The following MAD1L1 variants were observed in gnomAD, a reference collection of about 807,000 sequenced individuals.
The protein encoded by MAD1L1 is mitotic spindle assembly checkpoint protein MAD1.
In MAD1L1, 95 loss-of-function variants were observed where a neutral mutation model predicts 96.9. The observed-to-expected ratio is 0.98, with a 90% CI of 0.83 to 1.16. The LOEUF (loss-of-function observed/expected upper bound fraction) is 1.16. Ranked by LOEUF, MAD1L1 falls within the 50% of genes most tolerant of loss-of-function variation. MAD1L1 has a pLI of 0.00. For synonymous variants in MAD1L1, 473 were observed against 396.6 expected, an observed-to-expected ratio of 1.19 and a Z score of -2.29; for missense variants, 1,007 against 954.4, an observed-to-expected ratio of 1.06 and a Z score of -0.73.
intron 15 of MAD1L1, among the ~76,000 whole-genome samples, chr7:1,971,968 A>G (rs925490105): frequency 6.6e-5 from 10 of 152,352 alleles, no homozygotes; most frequent in African/African-American, 2.4e-4. Context: ...AATTTGTGGG[A>G]AACGTACAAG....
chr7:2,072,823 T>C (rs1287980152), intron 11 of MAD1L1, among the ~76,000 whole-genome samples: 1 of 152,168 alleles, frequency 6.6e-6, no homozygotes, highest in Non-Finnish European at 1.5e-5. Context: ...CTGGGCAGCC[T>C]TGAAGGGGGC....
intron 17 of MAD1L1, among the ~76,000 whole-genome samples, chr7:1,900,947 C>A (rs975168772): frequency 6.6e-6 from 1 of 152,094 alleles, no homozygotes; most frequent in African/African-American, 2.4e-5. Flanking sequence ...AGAGGCGAGA[C>A]CACCACCCAT....
chr7:2,018,078 G>A (rs146915196), intron 12 of MAD1L1, among the ~76,000 whole-genome samples: 165 of 152,200 alleles, frequency 1.1e-3, no homozygotes, highest in African/African-American at 3.2e-3. Context: ...CGGAGGCACC[G>A]CAGTGGGCAG....
At chr7:2,225,191 C>T (rs1240812353) in intron 4 of MAD1L1, among the ~76,000 whole-genome samples, 1 of 149,654 alleles carries the variant, frequency 6.7e-6, no homozygotes, top group Non-Finnish European at 1.5e-5. Context: ...AGGCTTCCAG[C>T]CAGCTGGGTT....
intron 10 of MAD1L1, among the ~76,000 whole-genome samples, chr7:2,155,976 A>G (rs1789814173): frequency 6.6e-6 from 1 of 152,262 alleles, no homozygotes; most frequent in Admixed American, 6.5e-5. Flanking sequence ...CCTCATAGCC[A>G]TAACATTGAG....
chr7:1,860,914 C>A (rs746209852), intron 18 of MAD1L1, among the ~76,000 whole-genome samples: 1 of 152,204 alleles, frequency 6.6e-6, no homozygotes, highest in African/African-American at 2.4e-5. Flanking sequence ...GCAGACAGGC[C>A]GGCCGTCAAA....
intron 18 of MAD1L1, among the ~76,000 whole-genome samples, chr7:1,880,644 G>A (rs1194222136): frequency 2.6e-5 from 4 of 152,194 alleles, no homozygotes; most frequent in Non-Finnish European, 5.9e-5. Flanking sequence ...CCAAACCCCA[G>A]AAGGATGCTC....
chr7:1,832,849 C>G (rs1483535992), intron 18 of MAD1L1, among the ~76,000 whole-genome samples: 2 of 152,096 alleles, frequency 1.3e-5, no homozygotes, highest in African/African-American at 4.8e-5. Context: ...CCAGGCTGGT[C>G]TCGAACTACT....
intron 12 of MAD1L1, among the ~76,000 whole-genome samples, chr7:2,050,095 G>A (rs879089685): frequency 1.9e-5 from 2 of 103,132 alleles, no homozygotes; most frequent in African/African-American, 3.7e-5. Context: ...CTCACCCAGC[G>A]TCTGCGGGCA....
At position 2,106,368 on chromosome 7, in the gene MAD1L1, G is replaced by A. The variant is rs192077416; in HGVS notation, c.1074-37030C>T. ...CCCACCCTGCCCTTCCTTCTCTATC[G>A]GATATACATGCCCATCCCTGGAGAC... On this transcript the variant is annotated intron_variant, in intron 11 of 18. Transcript: ENST00000265854. Among the ~76,000 whole-genome samples, 179 of 146,364 alleles carry A rather than the reference G, an allele frequency of 1.2e-3. 3 individuals carry two copies. The highest frequency in any genetic ancestry group is 2.6e-3 in the African/African-American group (100 of 38,958).
intron 14 of MAD1L1, among the ~76,000 whole-genome samples, chr7:1,989,797 TG>T (rs1370457664): frequency 1.3e-5 from 2 of 152,196 alleles, no homozygotes; most frequent in Non-Finnish European, 2.9e-5. Context: ...GTAGGCCGGC[TG>T]GCCCCATGTT....
intron 18 of MAD1L1, among the ~76,000 whole-genome samples, chr7:1,880,535 G>A (rs35487994): frequency 0.3 from 45,937 of 152,106 alleles, 8,267 homozygotes; most frequent in East Asian, 0.46. Flanking sequence ...GCCTTTCCCC[G>A]CTCACTACAA....
intron 16 of MAD1L1, among the ~76,000 whole-genome samples, chr7:1,944,916 G>A (rs1007902606): frequency 5.3e-5 from 8 of 152,216 alleles, no homozygotes; most frequent in East Asian, 1.9e-4. Flanking sequence ...GCAGGGGACC[G>A]GCTGGCCTGG....
At chr7:1,899,682 T>G (rs1194764894) in intron 17 of MAD1L1, among the ~76,000 whole-genome samples, 1 of 152,140 alleles carries the variant, frequency 6.6e-6, no homozygotes, top group African/African-American at 2.4e-5. Flanking sequence ...TCCCCCACAG[T>G]CCACTCTAGG....
intron 18 of MAD1L1, among the ~76,000 whole-genome samples, chr7:1,826,286 G>A (rs1782389515): frequency 6.6e-6 from 1 of 152,064 alleles, no homozygotes; most frequent in African/African-American, 2.4e-5. Flanking sequence ...TGGCCCGTCC[G>A]CGCTCTGAGG....
intron 18 of MAD1L1, among the ~76,000 whole-genome samples, chr7:1,850,610 AGAAG>A (rs1783917095): frequency 6.6e-6 from 1 of 152,114 alleles, no homozygotes; most frequent in African/African-American, 2.4e-5. Flanking sequence ...CCTGGGCCGG[AGAAG>A]GCACGGGGCT....
chr7:2,202,966 G>A (rs1355401326), intron 10 of MAD1L1, among the ~76,000 whole-genome samples: 2 of 152,188 alleles, frequency 1.3e-5, no homozygotes, highest in African/African-American at 4.8e-5. Context: ...TTTGACTACA[G>A]GGGATGGGTC....
intron 11 of MAD1L1, among the ~76,000 whole-genome samples, chr7:2,137,600 T>C (rs1788816596): frequency 6.6e-6 from 1 of 152,138 alleles, no homozygotes; most frequent in Non-Finnish European, 1.5e-5. Flanking sequence ...TTCTGTGACT[T>C]GCACGTGCCA....
chr7:2,038,498 C>CTT lies in MAD1L1; in HGVS notation c.1219-23858_1219-23857dup, dbSNP rs60466584. Reference sequence around the variant, plus strand: ...TGTTAGGAGATAATGAAGCTGATGACTTTTTTTTTTTTTTTTTTTTTTTTT... The same window carrying CTT: ...TGTTAGGAGATAATGAAGCTGATGACTTTTTTTTTTTTTTTTTTTTTTTTTTT... On this transcript the variant is annotated intron_variant, in intron 12 of 18. Transcript: ENST00000265854. 6.4e-4 allele frequency among the ~76,000 whole-genome samples: 59 copies of CTT among 92,852 alleles called. 1 individual carries two copies. The South Asian group carries it at 8.5e-3, about 13-fold the overall frequency. 60.9% of individuals were successfully genotyped at this position (92,852 alleles called of 152,430 possible). A position where few individuals can be genotyped will look rare whatever the true frequency, so the allele number is the denominator to read the frequency against.
Sources: allele counts gnomAD v4.1 joint callset (sites outside exome capture counted in the v4.1 genomes callset), GRCh38; gene constraint gnomAD v4.1.1; transcripts MANE v1.5; gene names NCBI Gene and HGNC (gene_info 2026-07-23, HGNC 2026-07-21).